The following DLGAP1 variants were observed in gnomAD, a reference collection of about 807,000 sequenced individuals.
DLGAP1 encodes DLG associated protein 1.
Under a neutral mutation model 90.8 loss-of-function variants are expected in DLGAP1, and 11 were observed. That is an observed-to-expected ratio of 0.12 (90% CI 0.08 to 0.20). DLGAP1 has a LOEUF of 0.20. Among genes scored for constraint, DLGAP1 ranks in the 10% least tolerant of loss-of-function variants. The pLI, the probability that DLGAP1 is intolerant of heterozygous loss-of-function variation, is 1.00. For missense variants in DLGAP1, 1,050 were observed against 1,333.8 expected, an observed-to-expected ratio of 0.79 and a Z score of 3.31; for synonymous variants, 558 against 540.7, an observed-to-expected ratio of 1.03 and a Z score of -0.44.
In DLGAP1 at chr18:4,323,678, C is replaced by T. The variant is rs191664993; in HGVS notation, c.-267+131328G>A. Among the ~76,000 whole-genome samples, 64 of 152,108 alleles carry T rather than the reference C, an allele frequency of 4.2e-4. 1 individual carries two copies. The highest frequency in any genetic ancestry group is 2.7e-3 in the Admixed American group (41 of 15,274). On this transcript the variant is annotated intron_variant, in intron 1 of 12. Coordinates refer to ENST00000315677, the MANE Select transcript of DLGAP1 (RefSeq NM_004746.4). Reference sequence around the variant, plus strand: ...AAACAAATCATACCAACCACACTTTCGGACCATGGCAAAATAAAAATAAAA... The same window carrying T: ...AAACAAATCATACCAACCACACTTTTGGACCATGGCAAAATAAAAATAAAA...
intron 1 of DLGAP1, among the ~76,000 whole-genome samples, chr18:4,291,358 T>C (rs1433652115): frequency 6.6e-6 from 1 of 152,310 alleles, no homozygotes; most frequent in South Asian, 2.1e-4. Flanking sequence ...CTTGGTTTTA[T>C]GGTGTTATGT....
At chr18:4,106,292 A>G (rs527991523) in intron 2 of DLGAP1, among the ~76,000 whole-genome samples, 12 of 152,216 alleles carry the variant, frequency 7.9e-5, no homozygotes, top group Admixed American at 6.5e-5. Context: ...GAGACCTCCA[A>G]GGGAAACTTC....
At chr18:3,684,089 T>C (rs77813411) in intron 7 of DLGAP1, among the ~76,000 whole-genome samples, 2,079 of 152,226 alleles carry the variant, frequency 0.014, 62 homozygotes, top group African/African-American at 0.048. Context: ...CTGTATTCTA[T>C]CACTGATACA....
chr18:3,779,942 G>A (rs1191187036), intron 5 of DLGAP1, among the ~76,000 whole-genome samples: 1 of 151,862 alleles, frequency 6.6e-6, no homozygotes, highest in African/African-American at 2.4e-5. Context: ...ACGCCACCAC[G>A]TCCAGCTAAT....
intron 1 of DLGAP1, among the ~76,000 whole-genome samples, chr18:4,184,698 GTTTTTA>G (rs1373098469): frequency 6.6e-6 from 1 of 151,976 alleles, no homozygotes; most frequent in Admixed American, 6.6e-5. Flanking sequence ...AAATCAATGA[GTTTTTA>G]TTTTTATTTT....
At chr18:3,824,582 T>C (rs2086975184) in intron 4 of DLGAP1, among the ~76,000 whole-genome samples, 1 of 152,196 alleles carries the variant, frequency 6.6e-6, no homozygotes, top group Non-Finnish European at 1.5e-5. Flanking sequence ...CGGCAAATAT[T>C]TTCCTTTAGT....
At chr18:3,916,826 A>G (rs1279486325) in intron 3 of DLGAP1, among the ~76,000 whole-genome samples, 1 of 152,140 alleles carries the variant, frequency 6.6e-6, no homozygotes, top group East Asian at 1.9e-4. Flanking sequence ...GAGGGTGGAA[A>G]GGGTAGGAAG....
At chr18:4,216,190 G>A (rs769577972) in intron 1 of DLGAP1, among the ~76,000 whole-genome samples, 78 of 152,052 alleles carry the variant, frequency 5.1e-4, no homozygotes, top group Admixed American at 2.6e-4. Context: ...GAAGTGCAGA[G>A]TGAAGCTGGA....
chr18:4,204,885 T>G (rs908937626), intron 1 of DLGAP1, among the ~76,000 whole-genome samples: 3 of 152,184 alleles, frequency 2.0e-5, no homozygotes, highest in South Asian at 4.1e-4. Flanking sequence ...CAATTTTTTT[T>G]TTTTTTTGTG....
chr18:3,959,954 C>G (rs1044312064), intron 3 of DLGAP1, among the ~76,000 whole-genome samples: 1 of 152,168 alleles, frequency 6.6e-6, no homozygotes, highest in African/African-American at 2.4e-5. Context: ...AGCTTCTTTT[C>G]AAGAGCTCAA....
chr18:4,252,813 A>G (rs192406140), intron 1 of DLGAP1, among the ~76,000 whole-genome samples: 196 of 152,378 alleles, frequency 1.3e-3, no homozygotes, highest in African/African-American at 4.5e-3. Flanking sequence ...ACAGAGCTGA[A>G]CATCAGAAAC....
At chr18:3,741,309 TCACCACCACCAC>T (rs1224630769) in intron 6 of DLGAP1, among the ~76,000 whole-genome samples, 1 of 47,192 alleles carries the variant, frequency 2.1e-5, no homozygotes. Flanking sequence ...CCACATCACA[TCACCACCACCAC>T]CACCACCATC....
chr18:3,829,077 T>C (rs956715166), intron 4 of DLGAP1, among the ~76,000 whole-genome samples: 3 of 152,186 alleles, frequency 2.0e-5, no homozygotes, highest in African/African-American at 7.2e-5. Context: ...TTTTCACTTA[T>C]AAGGAAGGAG....
intron 1 of DLGAP1, among the ~76,000 whole-genome samples, chr18:4,354,163 TCTTTCTCCTACTCTC>T (rs940385092): frequency 2.0e-5 from 3 of 152,210 alleles, no homozygotes; most frequent in Non-Finnish European, 4.4e-5. Context: ...CTTCTGCCCT[TCTTTCTCCTACTCTC>T]CTTTCTCCCA....
chr18:4,306,462 TGAGA>T (rs1228381727), intron 1 of DLGAP1, among the ~76,000 whole-genome samples: 1 of 52,104 alleles, frequency 1.9e-5, no homozygotes, highest in Non-Finnish European at 5.0e-5. Flanking sequence ...TGTGTGTGTG[TGAGA>T]GAGAGAGAGA....
chr18:3,944,313 T>C (rs891524533), intron 3 of DLGAP1, among the ~76,000 whole-genome samples: 6 of 152,284 alleles, frequency 3.9e-5, no homozygotes, highest in Non-Finnish European at 7.4e-5. Context: ...CTGGCCAAGA[T>C]GGTGAAACCC....
chr18:4,330,745 A>T (rs961139402), intron 1 of DLGAP1, among the ~76,000 whole-genome samples: 1 of 151,182 alleles, frequency 6.6e-6, no homozygotes, highest in African/African-American at 2.4e-5. Flanking sequence ...CATGATTTCA[A>T]TCCTCTTTAA....
chr18:3,772,647 C>G (rs2064737097), intron 5 of DLGAP1, among the ~76,000 whole-genome samples: 1 of 151,094 alleles, frequency 6.6e-6, no homozygotes, highest in Non-Finnish European at 1.5e-5. Context: ...ATTATTATAT[C>G]CTCAATTTCT....
chr18:4,182,066 G>A (rs1000779481), intron 1 of DLGAP1, among the ~76,000 whole-genome samples: 3 of 152,190 alleles, frequency 2.0e-5, no homozygotes, highest in Non-Finnish European at 2.9e-5. Context: ...AGCAGGAGTC[G>A]GGAAAGACTT....
Sources: allele counts gnomAD v4.1 joint callset (sites outside exome capture counted in the v4.1 genomes callset), GRCh38; gene constraint gnomAD v4.1.1; transcripts MANE v1.5; gene names NCBI Gene and HGNC (gene_info 2026-07-23, HGNC 2026-07-21).